The following SLC26A6 variants were observed in gnomAD, a reference collection of about 807,000 sequenced individuals.
SLC26A6 encodes the protein anion exchange transporter.
Under a neutral mutation model 87.1 loss-of-function variants are expected in SLC26A6, and 67 were observed. That is an observed-to-expected ratio of 0.77 (90% confidence interval 0.63 to 0.94). The LOEUF is 0.94. Among genes scored for constraint, SLC26A6 ranks in the 40% least tolerant of loss-of-function variants. The probability of loss-of-function intolerance (pLI) is 0.00; values close to 1 mark genes in which losing one functional copy is unlikely to be tolerated. For synonymous variants in SLC26A6, 414 were observed against 405.9 expected (o/e 1.02, Z -0.24); for missense variants, 902 against 973.0 (o/e 0.93, Z 0.97).
At chr3:48,635,314 A>T in intron 1 of SLC26A6, 57 bp downstream of exon 1, 1 of 1,566,686 alleles carries the variant, frequency 6.4e-7, no homozygotes. Flanking sequence ...CAAGCGGAGA[A>T]TGCCTGCTCC....
intron 17 of SLC26A6, 79 bp from the exon 18 acceptor site, chr3:48,627,134 A>G: frequency 3.3e-6 from 5 of 1,525,486 alleles, no homozygotes; most frequent in Non-Finnish European, 4.4e-6. Context: ...ACGCGAGAAC[A>G]CGCAAGGTCA....
intron 17 of SLC26A6, 163 bp downstream of exon 17, chr3:48,627,783 C>T (rs146753198): frequency 8.2e-4 from 479 of 582,544 alleles, no homozygotes; most frequent in Non-Finnish European, 1.2e-3. Flanking sequence ...CATATCACGA[C>T]GCTCCCTGAA....
chr3:48,634,835 G>A, intron 1 of SLC26A6: 3 of 813,132 alleles, frequency 3.7e-6, no homozygotes, highest in Non-Finnish European at 4.5e-6. Flanking sequence ...AGATCGTAGA[G>A]CCCCCTCTCC....
intron 1 of SLC26A6, 106 bp downstream of exon 1, chr3:48,635,265 G>A (rs1200682796): frequency 2.1e-5 from 24 of 1,166,508 alleles, no homozygotes; most frequent in Non-Finnish European, 2.7e-5. Context: ...GTAAACCGAG[G>A]CGTCGCAAGC....
chr3:48,631,071 A>T lies in SLC26A6; in HGVS notation c.1056T>A (p.Ala352=), dbSNP rs773910276. The part of the protein sequence containing the change: ...SKLVGSAFTI[A]VVGFAIAISL... ...AGATGGCAATGGCAAACCCAACCACAGCGATGGTGAAGGCGCTGCCCACGA... is the reference window on the plus strand; with the variant it reads ...AGATGGCAATGGCAAACCCAACCACTGCGATGGTGAAGGCGCTGCCCACGA... Residue 352 remains alanine (A), a synonymous_variant, in exon 9 of 21, where the codon GCT becomes GCA. Coordinates refer to ENST00000395550, the MANE Select transcript of SLC26A6 (RefSeq NM_022911.3). 2.5e-5 allele frequency: 41 copies of T among 1,613,648 alleles called. No homozygotes were observed. The African/African-American group carries it at 4.8e-4, about 19-fold the overall frequency.
rs774404286 is a variant in SLC26A6, at chr3:48,635,386, A to T, written c.8T>A (p.Leu3Gln). 3.2e-6 allele frequency: 5 copies of T among 1,587,238 alleles called. No homozygotes were observed. In the South Asian group the frequency reaches 5.7e-5, roughly 18 times the overall value. Residue 3 changes from leucine (L) to glutamine (Q), a missense_variant, in exon 1 of 21, where the codon CTG (leucine) becomes CAG (glutamine). Around this residue, in one of 3 missense-constraint regions of SLC26A6, gnomAD observed 800 missense variants for 856.8 expected, o/e 0.93. Transcript: ENST00000395550. MG[L>Q]ADASGPRDTQ... ...CTGAACTCACCCCGACGCATCCGCC[A>T]GCCCCATGGCTCGCAAGTTGTCCGG...
intron 1 of SLC26A6, 186 bp from the exon 2 acceptor site, chr3:48,633,821 A>G: frequency 7.0e-7 from 1 of 1,436,792 alleles, no homozygotes; most frequent in Non-Finnish European, 9.1e-7. Flanking sequence ...CAGTACCTGA[A>G]CTTTGGCTGG....
At position 48,633,281 on chromosome 3, in the gene SLC26A6, G is replaced by C; in HGVS notation, c.292C>G (p.Leu98Val). ...DWLLGDLLSG[L>V]SVAIMQLPQG... ...GGAAGCTGCATGATGGCCACACTCA[G>C]GCCGGATAACAGGTCACCCAGGAGC... is the stretch of plus-strand genomic sequence containing the variant. The change falls in exon 3 of 21, where the codon CTG (leucine) becomes GTG (valine). Residue 98 changes from leucine (L) to valine (V), a missense_variant. Leu to Val is a conservative substitution (Grantham distance 32, BLOSUM62 1). Transcript: ENST00000395550. The C allele has an allele frequency of 6.2e-7, 1 of 1,613,428 alleles. No homozygotes were observed. Among genetic ancestry groups the C allele is most frequent in the Non-Finnish European group, 8.5e-7 (1 of 1,179,980 alleles).
intron 17 of SLC26A6, 57 bp from the exon 18 acceptor site, chr3:48,627,112 C>A: frequency 1.9e-6 from 3 of 1,573,020 alleles, no homozygotes; most frequent in Non-Finnish European, 1.7e-6. Flanking sequence ...GCAGGACTGG[C>A]CGCACACAGA....
At chr3:48,627,282 G>T in intron 17 of SLC26A6, 1 of 559,024 alleles carries the variant, frequency 1.8e-6, no homozygotes, top group Non-Finnish European at 3.1e-6. Context: ...GCTACCTCCT[G>T]GGCCGACGCT....
intron 2 of SLC26A6, 30 bp downstream of exon 2, chr3:48,633,447 A>G (rs1235185016): frequency 6.2e-7 from 1 of 1,612,264 alleles, no homozygotes; most frequent in South Asian, 1.1e-5. Flanking sequence ...GGGCCCCGCC[A>G]GCGCCCCCAG....
chr3:48,629,962 G>T lies in SLC26A6; in HGVS notation c.1439C>A (p.Thr480Asn), dbSNP rs1368396325. ...GTTCAGCAAGATGGTGGCCGTGAAG[G>T]TCACCAGCCAGATAAGCTGAGAACA... is the stretch of plus-strand genomic sequence containing the variant. ...NRADLLIWLV[T>N]FTATILLNLD... The change falls in exon 13 of 21, where the codon ACC (threonine) becomes AAC (asparagine). Residue 480 changes from threonine (T) to asparagine (N), a missense_variant. Coordinates refer to ENST00000395550, the MANE Select transcript of SLC26A6 (RefSeq NM_022911.3). 1 of 1,614,138 alleles carries T rather than the reference G, an allele frequency of 6.2e-7. No individual in the cohort carries two copies. The highest frequency in any genetic ancestry group is 8.5e-7 in the Non-Finnish European group (1 of 1,180,032).
rs765180316 is a variant in SLC26A6, at chr3:48,631,315, GA to G, written c.904-10del. The G allele has an allele frequency of 9.8e-5, 154 of 1,576,846 alleles. No homozygotes were observed. Among genetic ancestry groups the G allele is most frequent in the Non-Finnish European group, 1.2e-4 (140 of 1,160,784 alleles). ...CCTGTGGCCCCGATGAGCTGTGGGA[GA>G]GGACAGAGTCAGGGAGGCAGGTGCT... On this transcript the variant is annotated splice_polypyrimidine_tract_variant and intron_variant, in intron 7 of 20. Transcript: ENST00000395550.
chr3:48,628,695 AC>A lies in SLC26A6; in HGVS notation c.1618del (p.Val540Ter), dbSNP rs780816364. The A allele has an allele frequency of 1.9e-6, 3 of 1,613,158 alleles. 1 individual carries two copies. Among genetic ancestry groups the A allele is most frequent in the Middle Eastern group, 3.3e-4 (2 of 6,008 alleles). ...GGTGGCCGAGGAGCGGAAGACCTTC[AC>A]CCCCCGGACTTCCTTGGCCTGGGGA... ...EYSEAKEVRG[V>X]KVFRSSATVY... On this transcript the variant is annotated frameshift_variant, in exon 15 of 21. Coordinates refer to ENST00000395550, the MANE Select transcript of SLC26A6 (RefSeq NM_022911.3). LOFTEE classifies it high-confidence loss of function. This position sits in a 1 kb window ranked among gnomAD's most constrained non-coding sequence, Gnocchi z 4.4.
chr3:48,633,882 G>A (rs897841574), intron 1 of SLC26A6: 23 of 1,398,042 alleles, frequency 1.6e-5, no homozygotes, highest in Non-Finnish European at 2.1e-5. Context: ...ACTGCAGGAT[G>A]AGCACTAGCT....
At chr3:48,633,860 C>T (rs942118856) in intron 1 of SLC26A6, 10 of 1,419,096 alleles carry the variant, frequency 7.0e-6, no homozygotes, top group South Asian at 4.5e-5. Flanking sequence ...GGACAAAGTC[C>T]CCCAAGTAGG....
chr3:48,635,282 T>G, intron 1 of SLC26A6, 89 bp downstream of exon 1: 1 of 1,224,278 alleles, frequency 8.2e-7, no homozygotes, highest in South Asian at 1.4e-5. Flanking sequence ...AAGCGGAGAA[T>G]GCCTGCTCCA....
At chr3:48,632,461 C>A in intron 4 of SLC26A6, 65 bp from the exon 5 acceptor site, 1 of 1,566,700 alleles carries the variant, frequency 6.4e-7, no homozygotes, top group Non-Finnish European at 8.7e-7. Context: ...GAGCCCTGGT[C>A]TTAAGAGAGA....
At position 48,628,360 on chromosome 3, in the gene SLC26A6, C is replaced by T. The variant is rs539095273; in HGVS notation, c.1800+74G>A. ...TGAGGAGTGAGGACGAGGGAGGAGT[C>T]GGGGGCCAGGAGAAAGGCTGGGGCA... On this transcript the variant is annotated intron_variant, in intron 16 of 20. Coordinates refer to ENST00000395550, the MANE Select transcript of SLC26A6 (RefSeq NM_022911.3). This position sits in a 1 kb window ranked among gnomAD's most constrained non-coding sequence, Gnocchi z 4.4. 4.5e-5 allele frequency: 70 copies of T among 1,567,156 alleles called. No individual in the cohort carries two copies. Among genetic ancestry groups the T allele is most frequent in the Non-Finnish European group, 5.8e-5 (67 of 1,155,212 alleles).
Sources: allele counts gnomAD v4.1 joint callset, GRCh38; gene constraint gnomAD v4.1.1; regional missense constraint gnomAD v4.1.1; non-coding constraint Gnocchi (gnomAD v3.1); transcripts MANE v1.5; gene names NCBI Gene and HGNC (gene_info 2026-07-23, HGNC 2026-07-21).